MGAT4A: variants seen among roughly 807,000 people sequenced by gnomAD.
The protein encoded by MGAT4A is alpha-1,3-mannosyl-glycoprotein 4-beta-N-acetylglucosaminyltransferase A.
A neutral mutation model predicts 74.1 loss-of-function variants in MGAT4A; 33 were observed. The observed-to-expected ratio is 0.45, with a 90% CI of 0.34 to 0.60. The LOEUF is 0.60. MGAT4A is among the 20% of genes least tolerant of loss of function. The pLI is 0.02. For missense variants in MGAT4A, 479 were observed against 628.3 expected, an observed-to-expected ratio of 0.76 and a Z score of 2.54; for synonymous variants, 198 against 210.4, an observed-to-expected ratio of 0.94 and a Z score of 0.51.
intron 2 of MGAT4A, among the ~76,000 whole-genome samples, chr2:98,683,129 C>T (rs534475424): frequency 2.0e-5 from 3 of 151,812 alleles, no homozygotes; most frequent in African/African-American, 7.3e-5. Flanking sequence ...ATGGCTTCCA[C>T]TTTAAGACGT....
At chr2:98,666,031 A>G (rs1701824323) in intron 4 of MGAT4A, among the ~76,000 whole-genome samples, 2 of 152,256 alleles carry the variant, frequency 1.3e-5, no homozygotes, top group Admixed American at 6.5e-5. Flanking sequence ...GGGGAATGAC[A>G]TTATCCAATT....
chr2:98,676,483 T>C (rs922910479), intron 3 of MGAT4A, among the ~76,000 whole-genome samples: 1 of 152,186 alleles, frequency 6.6e-6, no homozygotes, highest in Non-Finnish European at 1.5e-5. Context: ...AAATGTATCA[T>C]TTGTTCAAAA....
intron 14 of MGAT4A, among the ~76,000 whole-genome samples, chr2:98,630,150 T>C (rs1407668255): frequency 6.6e-6 from 1 of 152,238 alleles, no homozygotes; most frequent in East Asian, 1.9e-4. Context: ...CTCATACATG[T>C]GCACAAGTGT....
At chr2:98,628,336 C>T (rs1273747489) in intron 14 of MGAT4A, among the ~76,000 whole-genome samples, 1 of 152,184 alleles carries the variant, frequency 6.6e-6, no homozygotes, top group Non-Finnish European at 1.5e-5. Context: ...TCCCAATGTC[C>T]TTAAGTCTTC....
At chr2:98,664,419 GAAC>G (rs1482465203) in intron 4 of MGAT4A, among the ~76,000 whole-genome samples, 2 of 152,062 alleles carry the variant, frequency 1.3e-5, no homozygotes, top group East Asian at 3.8e-4. Flanking sequence ...AACACCAGGT[GAAC>G]AACAGAAAAT....
chr2:98,676,825 A>G (rs1316040138), intron 3 of MGAT4A, among the ~76,000 whole-genome samples: 1 of 152,234 alleles, frequency 6.6e-6, no homozygotes, highest in Non-Finnish European at 1.5e-5. Flanking sequence ...ACATTCACGG[A>G]AAAAATACTA....
At chr2:98,686,597 A>G (rs1042718268) in intron 2 of MGAT4A, among the ~76,000 whole-genome samples, 3 of 150,536 alleles carry the variant, frequency 2.0e-5, no homozygotes, top group Non-Finnish European at 3.0e-5. Context: ...CCCAGGCTGG[A>G]GTGCAGTGGC....
At chr2:98,723,597 C>CTG (rs1396333536) in intron 2 of MGAT4A, among the ~76,000 whole-genome samples, 4 of 152,128 alleles carry the variant, frequency 2.6e-5, no homozygotes, top group African/African-American at 7.2e-5. Context: ...TGATTACCAG[C>CTG]TAAACACTGA....
In MGAT4A at chr2:98,623,673, G is replaced by A; in HGVS notation, c.*1893C>T. 1 of 985,324 alleles carries A rather than the reference G, an allele frequency of 1.0e-6. No individual in the cohort carries two copies. Among genetic ancestry groups the A allele is most frequent in the Non-Finnish European group, 1.2e-6 (1 of 829,832 alleles). 61.0% of individuals were successfully genotyped at this position (985,324 alleles called of 1,614,324 possible). ...TGACATAAAAATCATTTTTGGCAATGTGATTGACTTTTCAATCAAGAAAAG... is the reference window on the plus strand; with the variant it reads ...TGACATAAAAATCATTTTTGGCAATATGATTGACTTTTCAATCAAGAAAAG... On this transcript the variant is annotated 3_prime_UTR_variant, in exon 16 of 16. Transcript: ENST00000393487.
At position 98,623,056 on chromosome 2, in the gene MGAT4A, CA is replaced by C; in HGVS notation, c.*2509del. 15 of 985,556 alleles carry C rather than the reference CA, an allele frequency of 1.5e-5. No homozygotes were observed. Among genetic ancestry groups the C allele is most frequent in the Non-Finnish European group, 1.8e-5 (15 of 830,116 alleles). 61.1% of individuals were successfully genotyped at this position (985,556 alleles called of 1,614,324 possible). A position where few individuals can be genotyped will look rare whatever the true frequency, so the allele number is the denominator to read the frequency against. On this transcript the variant is annotated 3_prime_UTR_variant, in exon 16 of 16. Coordinates refer to ENST00000393487, the MANE Select transcript of MGAT4A (RefSeq NM_012214.3). ...AATGATAAAAAGAGAAAGAGGAGGG[CA>C]GGCTGGAATAATTGGTCTCACATCC...
intron 1 of MGAT4A, among the ~76,000 whole-genome samples, chr2:98,727,988 CT>C (rs1290265105): frequency 6.6e-6 from 1 of 152,060 alleles, no homozygotes; most frequent in Non-Finnish European, 1.5e-5. Flanking sequence ...AGCTGCTACA[CT>C]TTCCCTCTCA....
At chr2:98,655,149 C>T (rs1701639714) in intron 8 of MGAT4A, among the ~76,000 whole-genome samples, 2 of 152,008 alleles carry the variant, frequency 1.3e-5, no homozygotes, top group South Asian at 4.1e-4. Flanking sequence ...CTTAGTTCTT[C>T]TTGACAGTGG....
At chr2:98,630,063 C>A (rs944197301) in intron 14 of MGAT4A, among the ~76,000 whole-genome samples, 10 of 152,032 alleles carry the variant, frequency 6.6e-5, no homozygotes, top group Admixed American at 5.2e-4. Flanking sequence ...ATAAATCAAT[C>A]AAATAATGAA....
Position 98,623,428 on chromosome 2 carries a change from A to G in MGAT4A, c.*2138T>C, listed in dbSNP as rs1701091541. ...AACCAGGGACCCAAGAGTACTCCTA[A>G]GCCCACCTGCAGAGATTTTTACTTC... On this transcript the variant is annotated 3_prime_UTR_variant, in exon 16 of 16. Coordinates refer to ENST00000393487, the MANE Select transcript of MGAT4A (RefSeq NM_012214.3). 1 of 985,328 alleles carries G rather than the reference A, an allele frequency of 1.0e-6. No individual in the cohort carries two copies. Among genetic ancestry groups the G allele is most frequent in the African/African-American group, 1.7e-5 (1 of 57,226 alleles). 61.0% of individuals were successfully genotyped at this position (985,328 alleles called of 1,614,324 possible).
chr2:98,665,096 G>A (rs1170324433), intron 4 of MGAT4A, among the ~76,000 whole-genome samples: 5 of 152,034 alleles, frequency 3.3e-5, no homozygotes, highest in Non-Finnish European at 2.9e-5. Context: ...TTGGGAGGCC[G>A]AGGCGGGTGG....
At chr2:98,723,049 G>A (rs1215531815) in intron 2 of MGAT4A, among the ~76,000 whole-genome samples, 2 of 152,172 alleles carry the variant, frequency 1.3e-5, no homozygotes, top group African/African-American at 4.8e-5. Context: ...TGGGAATCCA[G>A]TATACCCCGC....
In MGAT4A at chr2:98,636,561, C is replaced by T; in HGVS notation, c.1357G>A (p.Gly453Arg). Reference protein sequence around the residue: ...LFHSGNQEHPGDILLNTTVEV... With the variant: ...LFHSGNQEHPRDILLNTTVEV... ...ACAGTTGTGTTTAGCAGAATATCTC[C>T]AGGATGTTCTTGGTTGCCGCTATGG... Residue 453 changes from glycine (G) to arginine (R), a missense_variant, in exon 13 of 16, where the codon GGA (glycine) becomes AGA (arginine). This residue lies in a region of MGAT4A where 236 missense variants were observed against 308.2 expected (regional missense o/e 0.77). Coordinates refer to ENST00000393487, the MANE Select transcript of MGAT4A (RefSeq NM_012214.3). 6.2e-7 allele frequency: 1 copy of T among 1,613,778 alleles called. No homozygotes were observed. The highest frequency in any genetic ancestry group is 8.5e-7 in the Non-Finnish European group (1 of 1,179,778).
intron 3 of MGAT4A, among the ~76,000 whole-genome samples, chr2:98,675,870 C>G (rs1451149751): frequency 6.6e-6 from 1 of 152,142 alleles, no homozygotes; most frequent in African/African-American, 2.4e-5. Flanking sequence ...TTTCTTTATG[C>G]ATTACATGTT....
chr2:98,667,744 A>C (rs1183302804), intron 4 of MGAT4A, among the ~76,000 whole-genome samples: 3 of 150,740 alleles, frequency 2.0e-5, no homozygotes, highest in Admixed American at 2.0e-4. Context: ...TTTGAGACAG[A>C]GTTTCGATCT....
Sources: gnomAD v4.1 joint callset for allele counts (sites outside exome capture counted in the v4.1 genomes callset) on GRCh38, gnomAD v4.1.1 for gene constraint, gnomAD v4.1.1 regional missense constraint, MANE v1.5 for transcripts, NCBI Gene and HGNC (gene_info 2026-07-23, HGNC 2026-07-21) for gene names.